Variants in ZNF423 observed in about 807,000 individuals in gnomAD.
ZNF423 encodes zinc finger protein 423.
ZNF423 carries 12 observed loss-of-function variants against 95.8 expected under a neutral mutation model. That is an observed-to-expected ratio of 0.13 (90% CI 0.08 to 0.20). ZNF423 has a LOEUF of 0.20. ZNF423 is among the 10% of genes least tolerant of loss of function. The pLI, the probability that ZNF423 is intolerant of heterozygous loss-of-function variation, is 1.00. For synonymous variants in ZNF423, 749 were observed against 711.9 expected (o/e 1.05, Z -0.83); for missense variants, 1,316 against 1,737.1 (o/e 0.76, Z 4.31).
In ZNF423 at chr16:49,637,553, G is replaced by C; in HGVS notation, c.1623C>G (p.Thr541=). The C allele has an allele frequency of 1.9e-6, 3 of 1,614,084 alleles. No individual in the cohort carries two copies. The highest frequency in any genetic ancestry group is 2.5e-6 in the Non-Finnish European group (3 of 1,180,020). Residue 541 remains threonine, a synonymous_variant, in exon 4 of 8, where the codon ACC becomes ACG. Transcript: ENST00000563137. This position sits in a 1 kb window ranked among gnomAD's most constrained non-coding sequence, Gnocchi z 5.6. The part of the protein sequence containing the change: ...SMGFLTESSL[T]EHIQQAHCSV... The stretch of plus-strand genomic sequence containing the variant: ...TGCAGTGGGCCTGCTGGATGTGCTC[G>C]GTGAGGGAGGACTCAGTAAGGAAAC...
chr16:49,585,673 G>A (rs1383698229), intron 5 of ZNF423, among the ~76,000 whole-genome samples: 2 of 152,160 alleles, frequency 1.3e-5, no homozygotes, highest in African/African-American at 4.8e-5. Context: ...CTGTTCAAAG[G>A]CAGTTCAATT....
At chr16:49,712,591 T>G (rs1458820765) in intron 3 of ZNF423, among the ~76,000 whole-genome samples, 6 of 152,206 alleles carry the variant, frequency 3.9e-5, no homozygotes, top group Non-Finnish European at 4.4e-5. Flanking sequence ...AGGGACCTCC[T>G]CAGACTCAAG....
In ZNF423 at chr16:49,489,546, C is replaced by T. The variant is rs528487174; in HGVS notation, c.*1729G>A. On this transcript the variant is annotated 3_prime_UTR_variant, in exon 8 of 8. Transcript: ENST00000563137. Reference sequence around the variant, plus strand: ...TTTGAAAAACTGAAAGCCCCACCCGCGTGAGAACATTACATGAGGTGACAG... The same window carrying T: ...TTTGAAAAACTGAAAGCCCCACCCGTGTGAGAACATTACATGAGGTGACAG... 8 of 152,298 alleles carry T rather than the reference C, an allele frequency of 5.3e-5. No individual in the cohort carries two copies. The South Asian group carries it at 1.0e-3, about 20-fold the overall frequency. 9.4% of individuals were successfully genotyped at this position (152,298 alleles called of 1,614,324 possible). A position where few individuals can be genotyped will look rare whatever the true frequency, so the allele number is the denominator to read the frequency against.
intron 1 of ZNF423, among the ~76,000 whole-genome samples, chr16:49,800,209 A>C (rs905083100): frequency 6.6e-6 from 1 of 151,470 alleles, no homozygotes; most frequent in African/African-American, 2.4e-5. Context: ...GTGCCACTGC[A>C]CTCCAACCTG....
chr16:49,637,643 G>C lies in ZNF423; in HGVS notation c.1533C>G (p.His511Gln). The C allele has an allele frequency of 6.2e-7, 1 of 1,614,124 alleles. No individual in the cohort carries two copies. The highest frequency in any genetic ancestry group is 8.5e-7 in the Non-Finnish European group (1 of 1,180,042). The change falls in exon 4 of 8, where the codon CAC becomes CAG. Residue 511 changes from histidine to glutamine, a missense_variant. Physicochemically the swap from His to Gln is conservative, Grantham distance 24 (BLOSUM62 0). Coordinates refer to ENST00000563137, the MANE Select transcript of ZNF423 (RefSeq NM_001379286.1). This position sits in a 1 kb window ranked among gnomAD's most constrained non-coding sequence, Gnocchi z 5.6. The part of the protein sequence containing the change: ...NSLQEHIRVS[H>Q]CGPNANPSDG... ...CAGAGGGGTTGGCGTTGGGGCCGCA[G>C]TGGGAGACGCGGATGTGCTCCTGCA...
intron 5 of ZNF423, among the ~76,000 whole-genome samples, chr16:49,553,902 C>T (rs1969731345): frequency 6.6e-6 from 1 of 152,106 alleles, no homozygotes; most frequent in South Asian, 2.1e-4. Flanking sequence ...AACTGAAGCC[C>T]CCCAAAAGTG....
At chr16:49,784,865 G>A (rs973329059) in intron 2 of ZNF423, among the ~76,000 whole-genome samples, 2 of 151,310 alleles carry the variant, frequency 1.3e-5, no homozygotes, top group Non-Finnish European at 2.9e-5. Context: ...CAGGAGAATC[G>A]CTTGAACCCG....
At chr16:49,620,046 AG>A (rs1353851901) in intron 5 of ZNF423, among the ~76,000 whole-genome samples, 1 of 151,914 alleles carries the variant, frequency 6.6e-6, no homozygotes, top group East Asian at 1.9e-4. Context: ...GTGGTTTGAA[AG>A]TATCTCCAGG....
chr16:49,709,359 T>G (rs952122796), intron 3 of ZNF423, among the ~76,000 whole-genome samples: 4 of 151,942 alleles, frequency 2.6e-5, no homozygotes, highest in Non-Finnish European at 5.9e-5. Flanking sequence ...GACTCTTCCC[T>G]GAAGCAGGGG....
At chr16:49,527,911 A>AGCACACACACGTGTGCAT (rs1425492256) in intron 5 of ZNF423, among the ~76,000 whole-genome samples, 1 of 152,058 alleles carries the variant, frequency 6.6e-6, no homozygotes, top group African/African-American at 2.4e-5. Context: ...CCAGTTCATG[A>AGCACACACACGTGTGCAT]GCACACACAC....
At chr16:49,790,567 T>C (rs1019623005) in intron 1 of ZNF423, among the ~76,000 whole-genome samples, 2 of 152,218 alleles carry the variant, frequency 1.3e-5, no homozygotes, top group Non-Finnish European at 2.9e-5. Flanking sequence ...TCCAGAACCC[T>C]AGCAACTCAG....
At chr16:49,518,270 A>G (rs1021945947) in intron 7 of ZNF423, 18 of 388,064 alleles carry the variant, frequency 4.6e-5, no homozygotes, top group Admixed American at 3.0e-4. Context: ...ACAAACATAC[A>G]TGACCCCCAA....
intron 5 of ZNF423, among the ~76,000 whole-genome samples, chr16:49,539,319 A>G (rs1322704666): frequency 6.6e-6 from 1 of 152,136 alleles, no homozygotes; most frequent in Non-Finnish European, 1.5e-5. Context: ...GTGGGGCTGC[A>G]TCTTCCCGGG....
intron 7 of ZNF423, among the ~76,000 whole-genome samples, chr16:49,504,295 G>T (rs1235035254): frequency 1.3e-5 from 2 of 152,238 alleles, no homozygotes; most frequent in Non-Finnish European, 2.9e-5. Context: ...GCCAGGCACA[G>T]TGGCTCACAC....
At chr16:49,663,708 G>A (rs1296427430) in intron 3 of ZNF423, among the ~76,000 whole-genome samples, 2 of 152,102 alleles carry the variant, frequency 1.3e-5, no homozygotes, top group African/African-American at 2.4e-5. Context: ...CCCTCCCCAC[G>A]GGAGACAGAG....
At chr16:49,788,796 G>A (rs1410530006) in intron 2 of ZNF423, among the ~76,000 whole-genome samples, 2 of 152,258 alleles carry the variant, frequency 1.3e-5, no homozygotes, top group Non-Finnish European at 2.9e-5. Flanking sequence ...CTGGCTGCAT[G>A]AGGAGCAAAC....
intron 7 of ZNF423, among the ~76,000 whole-genome samples, chr16:49,494,086 G>A (rs1324168166): frequency 1.3e-5 from 2 of 152,172 alleles, no homozygotes; most frequent in Non-Finnish European, 1.5e-5. Context: ...GACACACATG[G>A]CCCACACTGG....
In ZNF423 at chr16:49,643,131, C is replaced by T. The variant is rs117398994; in HGVS notation, c.302-4257G>A. ...TCACTGCGCCTGGCCCAAGGTTCTC[C>T]TCTCTTATAGCAATGACACTTTCCT... is the stretch of plus-strand genomic sequence containing the variant. On this transcript the variant is annotated intron_variant, in intron 3 of 7. Transcript: ENST00000563137. 8.4e-3 allele frequency among the ~76,000 whole-genome samples: 1,276 copies of T among 152,148 alleles called. 11 individuals are homozygous for T. The highest frequency in any genetic ancestry group is 0.017 in the Middle Eastern group (5 of 294).
At chr16:49,837,240 A>G (rs1280537570) in intron 1 of ZNF423, among the ~76,000 whole-genome samples, 1 of 152,168 alleles carries the variant, frequency 6.6e-6, no homozygotes, top group African/African-American at 2.4e-5. Context: ...GACCTTGGAA[A>G]GGAGCAGCCT....
Sources: gnomAD v4.1 joint callset for allele counts (sites outside exome capture counted in the v4.1 genomes callset) on GRCh38, gnomAD v4.1.1 for gene constraint, Gnocchi (gnomAD v3.1) non-coding constraint, MANE v1.5 for transcripts, NCBI Gene and HGNC (gene_info 2026-07-23, HGNC 2026-07-21) for gene names.